Variants in RPS6KC1 observed in about 807,000 individuals in gnomAD.
RPS6KC1 encodes the protein inactive ribosomal protein S6 kinase delta-1.
RPS6KC1 carries 54 observed loss-of-function variants against 103.8 expected under a neutral mutation model. The ratio of observed to expected loss-of-function variants is 0.52; its 90% CI spans 0.42 to 0.65. RPS6KC1 has a LOEUF of 0.65. RPS6KC1 is among the 30% of genes least tolerant of loss of function. RPS6KC1 has a pLI of 0.00. For synonymous variants in RPS6KC1, 439 were observed against 438.7 expected (o/e 1.00, Z -0.01); for missense variants, 1,151 against 1,253.8 (o/e 0.92, Z 1.24).
the RPS6KC1 span, among the ~76,000 whole-genome samples, chr1:213,383,080 C>G: frequency 6.6e-6 from 1 of 152,210 alleles, no homozygotes; most frequent in African/African-American, 2.4e-5. Flanking sequence ...CTTCTTGCCC[C>G]ACAGAGCCTC....
At chr1:213,070,873 G>T (rs1282904014) in intron 1 of RPS6KC1, 133 bp from the exon 2 acceptor site, 1 of 570,678 alleles carries the variant, frequency 1.8e-6, no homozygotes, top group East Asian at 3.5e-5. Context: ...CTGAGTTTTG[G>T]ATAAATGATA....
chr1:213,452,340 A>G, the RPS6KC1 span, among the ~76,000 whole-genome samples: 1 of 151,826 alleles, frequency 6.6e-6, no homozygotes, highest in Non-Finnish European at 1.5e-5. Flanking sequence ...ACTAGGAAAA[A>G]AAAAAAAAAG....
the RPS6KC1 span, among the ~76,000 whole-genome samples, chr1:213,704,126 G>A: frequency 5.9e-5 from 9 of 152,064 alleles, no homozygotes; most frequent in East Asian, 1.9e-4. Flanking sequence ...GGTGGCTCAC[G>A]CCTGTAATCC....
the RPS6KC1 span, among the ~76,000 whole-genome samples, chr1:213,349,366 G>A: frequency 5.3e-5 from 8 of 152,170 alleles, no homozygotes; most frequent in African/African-American, 1.9e-4. Flanking sequence ...GGACGGTAAT[G>A]CATGACCACT....
At chr1:213,200,569 G>T (rs185146414) in intron 8 of RPS6KC1, among the ~76,000 whole-genome samples, 16 of 152,176 alleles carry the variant, frequency 1.1e-4, no homozygotes, top group African/African-American at 3.4e-4. Context: ...AAGGACATAG[G>T]CACTGGCAAT....
At chr1:213,062,884 A>G (rs945981448) in intron 1 of RPS6KC1, among the ~76,000 whole-genome samples, 4 of 152,152 alleles carry the variant, frequency 2.6e-5, no homozygotes, top group Admixed American at 2.0e-4. Context: ...CTTTTAAGGA[A>G]ACATGGTAAT....
the RPS6KC1 span, among the ~76,000 whole-genome samples, chr1:213,470,951 C>T: frequency 6.6e-6 from 1 of 152,080 alleles, no homozygotes; most frequent in Non-Finnish European, 1.5e-5. Flanking sequence ...AGAGAAACGT[C>T]CCCTCATCAA....
downstream of RPS6KC1, among the ~76,000 whole-genome samples, chr1:213,275,511 C>A (rs1167252995): frequency 2.6e-5 from 4 of 152,110 alleles, no homozygotes; most frequent in East Asian, 7.7e-4. Context: ...GTCATTTTAG[C>A]CATTTAACTG....
intron 6 of RPS6KC1, among the ~76,000 whole-genome samples, chr1:213,155,518 C>A (rs1239147692): frequency 2.0e-5 from 3 of 152,068 alleles, no homozygotes; most frequent in African/African-American, 7.3e-5. Flanking sequence ...TCCAGTTTTC[C>A]TTTTTGCTCT....
chr1:213,152,327 G>C (rs1393779499), intron 6 of RPS6KC1, among the ~76,000 whole-genome samples: 2 of 149,842 alleles, frequency 1.3e-5, no homozygotes, highest in African/African-American at 4.9e-5. Context: ...CGGGCAGGGG[G>C]CTGACCCCCC....
the RPS6KC1 span, among the ~76,000 whole-genome samples, chr1:213,861,871 C>T: frequency 6.6e-6 from 1 of 152,174 alleles, no homozygotes; most frequent in Non-Finnish European, 1.5e-5. Flanking sequence ...GAAGCTGGCA[C>T]CTCATCCATT....
chr1:213,145,418 G>C (rs929303770), intron 6 of RPS6KC1, among the ~76,000 whole-genome samples: 1 of 152,102 alleles, frequency 6.6e-6, no homozygotes, highest in African/African-American at 2.4e-5. Context: ...CTGATGTCCA[G>C]TGTGTTGTCT....
the RPS6KC1 span, among the ~76,000 whole-genome samples, chr1:213,498,507 T>C: frequency 1.3e-5 from 2 of 152,190 alleles, no homozygotes; most frequent in Non-Finnish European, 1.5e-5. Flanking sequence ...CAGGCTGGAG[T>C]GCAGTGGTGC....
the RPS6KC1 span, among the ~76,000 whole-genome samples, chr1:213,300,582 T>G: frequency 6.6e-6 from 1 of 152,304 alleles, no homozygotes; most frequent in South Asian, 2.1e-4. Context: ...CGAGGTTGAT[T>G]GGAGGCTCTG....
At chr1:213,516,104 G>A in the RPS6KC1 span, among the ~76,000 whole-genome samples, 1 of 152,202 alleles carries the variant, frequency 6.6e-6, no homozygotes, top group Non-Finnish European at 1.5e-5. Context: ...TGCTGAAGTT[G>A]CCTATCAGCT....
the RPS6KC1 span, among the ~76,000 whole-genome samples, chr1:213,480,580 A>G: frequency 6.6e-6 from 1 of 152,122 alleles, no homozygotes; most frequent in Non-Finnish European, 1.5e-5. Context: ...ATATCAGGAT[A>G]CAATTATAAA....
chr1:213,630,685 GT>G, the RPS6KC1 span, among the ~76,000 whole-genome samples: 7 of 152,268 alleles, frequency 4.6e-5, no homozygotes, highest in East Asian at 5.8e-4. Context: ...TTTCTGCTCT[GT>G]TTTTTCCCCA....
At chr1:213,821,027 T>C in the RPS6KC1 span, 1 of 152,074 alleles carries the variant, frequency 6.6e-6, no homozygotes, top group Non-Finnish European at 1.5e-5. Flanking sequence ...GTTCCTAAGG[T>C]GATGCAAGAG....
the RPS6KC1 span, among the ~76,000 whole-genome samples, chr1:213,374,969 A>G: frequency 2.0e-5 from 3 of 152,234 alleles, no homozygotes; most frequent in East Asian, 5.8e-4. Flanking sequence ...TACAACGACA[A>G]CAACTATTAC....
Sources: allele counts gnomAD v4.1 joint callset (sites outside exome capture counted in the v4.1 genomes callset), GRCh38; gene constraint gnomAD v4.1.1; transcripts MANE v1.5; gene names NCBI Gene and HGNC (gene_info 2026-07-23, HGNC 2026-07-21).